Variants in PRKAR2B observed in about 807,000 individuals in gnomAD.
PRKAR2B encodes protein kinase cAMP-dependent type II regulatory subunit beta, also known as cAMP-dependent protein kinase type II-beta regulatory subunit.
PRKAR2B carries 14 observed loss-of-function variants against 49.9 expected under a neutral mutation model. The observed-to-expected ratio is 0.28, with a 90% CI of 0.19 to 0.44. The LOEUF (loss-of-function observed/expected upper bound fraction) is 0.44. Ranked by LOEUF, PRKAR2B falls within the 20% of genes least tolerant of loss-of-function variation. PRKAR2B has a pLI of 1.00. For missense variants in PRKAR2B, 393 were observed against 537.9 expected (o/e 0.73, Z 2.67); for synonymous variants, 196 against 197.7 (o/e 0.99, Z 0.07).
chr7:107,083,148 G>C (rs1021254747), intron 2 of PRKAR2B, among the ~76,000 whole-genome samples: 1 of 151,686 alleles, frequency 6.6e-6, no homozygotes, highest in African/African-American at 2.4e-5. Context: ...GGAGGCTGAG[G>C]TGAGACGATC....
At chr7:107,091,375 G>A (rs1186139662) in intron 2 of PRKAR2B, among the ~76,000 whole-genome samples, 1 of 152,150 alleles carries the variant, frequency 6.6e-6, no homozygotes, top group East Asian at 1.9e-4. Context: ...AGTCCTAGAG[G>A]AGCTAAATGG....
At chr7:107,127,298 G>A (rs1184106127) in intron 3 of PRKAR2B, among the ~76,000 whole-genome samples, 1 of 151,706 alleles carries the variant, frequency 6.6e-6, no homozygotes, top group Non-Finnish European at 1.5e-5. Flanking sequence ...TGGTGTGTAG[G>A]TCTTCAGGAA....
intron 1 of PRKAR2B, among the ~76,000 whole-genome samples, chr7:107,059,864 CT>C (rs1793992551): frequency 6.6e-6 from 1 of 151,908 alleles, no homozygotes; most frequent in Non-Finnish European, 1.5e-5. Flanking sequence ...TTTTCTTTGC[CT>C]TTTTTTCTCT....
At chr7:107,047,673 A>G (rs1027606488) in intron 1 of PRKAR2B, among the ~76,000 whole-genome samples, 13 of 152,262 alleles carry the variant, frequency 8.5e-5, no homozygotes, top group African/African-American at 2.9e-4. Flanking sequence ...CAATTCTGGC[A>G]TAGTAAAGAA....
In PRKAR2B at chr7:107,138,998, GAA is replaced by G. The variant is rs906725007; in HGVS notation, c.481-1841_481-1840del. ...CCTGCCAAAAAAAATCTATTTTAAA[GAA>G]AAAAAAATGACAATCATATTTTTAA... On this transcript the variant is annotated intron_variant, in intron 4 of 10. Transcript: ENST00000265717. 6.0e-5 allele frequency among the ~76,000 whole-genome samples: 9 copies of G among 150,724 alleles called. No individual in the cohort carries two copies. In the East Asian group the frequency reaches 1.6e-3, roughly 26 times the overall value.
intron 1 of PRKAR2B, among the ~76,000 whole-genome samples, chr7:107,066,410 A>G (rs1352197020): frequency 6.6e-6 from 1 of 152,038 alleles, no homozygotes; most frequent in Admixed American, 6.6e-5. Flanking sequence ...TTGACTTGTC[A>G]CATTTTAAGA....
intron 2 of PRKAR2B, among the ~76,000 whole-genome samples, chr7:107,120,437 A>G (rs1448745197): frequency 6.6e-6 from 1 of 152,008 alleles, no homozygotes; most frequent in Admixed American, 6.6e-5. Context: ...GTTTTATGAT[A>G]TAATAATAAT....
At chr7:107,059,424 T>C (rs1793982548) in intron 1 of PRKAR2B, among the ~76,000 whole-genome samples, 1 of 152,142 alleles carries the variant, frequency 6.6e-6, no homozygotes, top group African/African-American at 2.4e-5. Flanking sequence ...GTTTCTGGTA[T>C]GTGGTTTTGT....
chr7:107,116,886 T>C (rs573033711), intron 2 of PRKAR2B, among the ~76,000 whole-genome samples: 39 of 140,774 alleles, frequency 2.8e-4, no homozygotes, highest in African/African-American at 9.5e-4. Context: ...TATACACACA[T>C]ATATATATAT....
intron 2 of PRKAR2B, among the ~76,000 whole-genome samples, chr7:107,099,152 C>T (rs1188021057): frequency 3.9e-5 from 6 of 152,200 alleles, no homozygotes; most frequent in Non-Finnish European, 7.4e-5. Context: ...CCTTGAGCTG[C>T]GGTGGGCTCC....
intron 4 of PRKAR2B, among the ~76,000 whole-genome samples, chr7:107,136,369 G>A (rs1029373171): frequency 3.3e-5 from 5 of 152,108 alleles, no homozygotes; most frequent in African/African-American, 1.2e-4. Flanking sequence ...GACACTGTGA[G>A]CAGAATGAAA....
At chr7:107,059,925 A>T (rs1793993768) in intron 1 of PRKAR2B, among the ~76,000 whole-genome samples, 1 of 152,124 alleles carries the variant, frequency 6.6e-6, no homozygotes, top group South Asian at 2.1e-4. Context: ...AGGGTATATG[A>T]TGTATGATAT....
At chr7:107,084,729 T>G (rs1584419345) in intron 2 of PRKAR2B, among the ~76,000 whole-genome samples, 1 of 151,824 alleles carries the variant, frequency 6.6e-6, no homozygotes, top group South Asian at 2.1e-4. Context: ...CACGCCATTC[T>G]CCTGCCTCAA....
At chr7:107,050,931 A>T (rs1435929346) in intron 1 of PRKAR2B, among the ~76,000 whole-genome samples, 1 of 152,176 alleles carries the variant, frequency 6.6e-6, no homozygotes, top group Non-Finnish European at 1.5e-5. Flanking sequence ...CCTGGCTTCA[A>T]GCAGTCCTTT....
intron 1 of PRKAR2B, among the ~76,000 whole-genome samples, chr7:107,047,568 GAAAAA>G (rs1221790421): frequency 2.0e-5 from 3 of 151,912 alleles, no homozygotes; most frequent in Non-Finnish European, 2.9e-5. Context: ...ACCATTGGGG[GAAAAA>G]ACAGGAGTGA....
At chr7:107,151,125 C>T (rs1012525970) in intron 7 of PRKAR2B, 102 bp downstream of exon 7, 116 of 595,090 alleles carry the variant, frequency 1.9e-4, no homozygotes, top group Non-Finnish European at 2.8e-4. Context: ...AAAAAAAAAT[C>T]TATCCATGTT....
At chr7:107,063,578 G>A (rs1017936804) in intron 1 of PRKAR2B, among the ~76,000 whole-genome samples, 3 of 152,174 alleles carry the variant, frequency 2.0e-5, no homozygotes, top group Non-Finnish European at 4.4e-5. Context: ...TAAACTGGGT[G>A]TTCAGGGAAA....
At chr7:107,117,905 C>G (rs954443603) in intron 2 of PRKAR2B, among the ~76,000 whole-genome samples, 3 of 152,168 alleles carry the variant, frequency 2.0e-5, no homozygotes, top group African/African-American at 7.2e-5. Context: ...TTGGGCCATT[C>G]TGTATAACCA....
Position 107,102,457 on chromosome 7 carries a change from T to A in PRKAR2B, c.344-19495T>A, listed in dbSNP as rs145519597. ...CTCTGCCTGTGGGATGGCCCTGCTCTGTCTATGGAGCAGCCATTTGGCTAT... is the reference window on the plus strand; with the variant it reads ...CTCTGCCTGTGGGATGGCCCTGCTCAGTCTATGGAGCAGCCATTTGGCTAT... On this transcript the variant is annotated intron_variant, in intron 2 of 10. Transcript: ENST00000265717. Among the ~76,000 whole-genome samples, 640 of 152,342 alleles carry A rather than the reference T, an allele frequency of 4.2e-3. 3 individuals carry two copies. Among genetic ancestry groups the A allele is most frequent in the Non-Finnish European group, 6.9e-3 (468 of 68,034 alleles).
Sources: allele counts gnomAD v4.1 joint callset (sites outside exome capture counted in the v4.1 genomes callset), GRCh38; gene constraint gnomAD v4.1.1; transcripts MANE v1.5; gene names NCBI Gene and HGNC (gene_info 2026-07-23, HGNC 2026-07-21).